Variants in KLHL1 observed in about 807,000 individuals in gnomAD.
KLHL1 encodes kelch like family member 1.
In KLHL1, 47 loss-of-function variants were observed where a neutral mutation model predicts 77.7. That is an observed-to-expected ratio of 0.60 (90% CI 0.48 to 0.77). The LOEUF is 0.77. Among genes scored for constraint, KLHL1 ranks in the 30% least tolerant of loss-of-function variants. KLHL1 has a pLI of 0.00. For missense variants in KLHL1, 925 were observed against 910.8 expected (o/e 1.02, Z -0.20); for synonymous variants, 360 against 325.2 (o/e 1.11, Z -1.15).
At chr13:69,903,777 G>A (rs1446006344) in intron 4 of KLHL1, among the ~76,000 whole-genome samples, 3 of 150,956 alleles carry the variant, frequency 2.0e-5, no homozygotes, top group Non-Finnish European at 4.4e-5. Context: ...GAGTAGCTGG[G>A]ATTACAGGTG....
chr13:70,070,547 A>C (rs183179080), intron 1 of KLHL1, among the ~76,000 whole-genome samples: 14 of 152,230 alleles, frequency 9.2e-5, no homozygotes, highest in African/African-American at 3.1e-4. Flanking sequence ...AAAAATAAAA[A>C]AATTCTTAAA....
intron 5 of KLHL1, among the ~76,000 whole-genome samples, chr13:69,853,280 TAGTG>T (rs1176167747): frequency 5.3e-5 from 8 of 151,976 alleles, no homozygotes; most frequent in African/African-American, 4.8e-5. Context: ...GTTCTCCTGA[TAGTG>T]AGTGAGTTCT....
At chr13:69,719,669 T>G (rs1872954207) in intron 8 of KLHL1, 88 bp from the exon 9 acceptor site, 3 of 956,336 alleles carry the variant, frequency 3.1e-6, no homozygotes, top group South Asian at 1.6e-5. Flanking sequence ...ATTTTCACAG[T>G]ATGAGGCTCA....
rs566927795 is a variant in KLHL1 at position 70,073,212 on chromosome 13, A to G, written c.497+33991T>C. On this transcript the variant is annotated intron_variant, in intron 1 of 10. Coordinates refer to ENST00000377844, the MANE Select transcript of KLHL1 (RefSeq NM_020866.3). Reference sequence around the variant, plus strand: ...AGAAAATGTGGCACATATACACCATAGAATACTATGCGGCCATAAAAAAGG... The same window carrying G: ...AGAAAATGTGGCACATATACACCATGGAATACTATGCGGCCATAAAAAAGG... Among the ~76,000 whole-genome samples, 162 of 152,274 alleles carry G rather than the reference A, an allele frequency of 1.1e-3. 1 individual carries two copies. Among genetic ancestry groups the G allele is most frequent in the Non-Finnish European group, 2.0e-3 (135 of 68,028 alleles).
At chr13:69,909,330 AAAT>A (rs1164388636) in intron 4 of KLHL1, among the ~76,000 whole-genome samples, 1 of 151,924 alleles carries the variant, frequency 6.6e-6, no homozygotes, top group Non-Finnish European at 1.5e-5. Context: ...ACATTCATAT[AAAT>A]AATGTTTCTA....
At chr13:69,853,714 A>G (rs1358936426) in intron 5 of KLHL1, among the ~76,000 whole-genome samples, 1 of 152,020 alleles carries the variant, frequency 6.6e-6, no homozygotes, top group Non-Finnish European at 1.5e-5. Context: ...TATTCTTACC[A>G]TGCCAGATAC....
intron 7 of KLHL1, among the ~76,000 whole-genome samples, chr13:69,780,693 T>TAC (rs1876103361): frequency 5.9e-5 from 1 of 16,916 alleles, no homozygotes; most frequent in Non-Finnish European, 1.0e-4. Context: ...TTCATATATA[T>TAC]ATATATATGT....
intron 4 of KLHL1, among the ~76,000 whole-genome samples, chr13:69,910,547 A>G (rs1882203758): frequency 6.6e-6 from 1 of 151,976 alleles, no homozygotes; most frequent in Non-Finnish European, 1.5e-5. Context: ...GGATATAAAT[A>G]TTAAACAAAG....
At chr13:70,103,385 A>G (rs1305159739) in intron 1 of KLHL1, among the ~76,000 whole-genome samples, 2 of 152,176 alleles carry the variant, frequency 1.3e-5, no homozygotes, top group African/African-American at 4.8e-5. Context: ...CGTCCATAGT[A>G]TAAACTGTAA....
chr13:69,781,305 T>TG (rs1876191514), intron 7 of KLHL1, among the ~76,000 whole-genome samples: 1 of 119,794 alleles, frequency 8.3e-6, no homozygotes, highest in South Asian at 2.7e-4. Flanking sequence ...TTTTTTTTTT[T>TG]GTCAAATATC....
chr13:69,981,003 A>G (rs982605486), intron 1 of KLHL1, among the ~76,000 whole-genome samples: 1 of 152,168 alleles, frequency 6.6e-6, no homozygotes, highest in Admixed American at 6.5e-5. Context: ...AATAGCTACC[A>G]CTAAATAAAC....
intron 9 of KLHL1, among the ~76,000 whole-genome samples, chr13:69,716,909 C>T (rs1279868668): frequency 6.6e-6 from 1 of 152,084 alleles, no homozygotes; most frequent in Non-Finnish European, 1.5e-5. Context: ...AAACTCAATG[C>T]ACATTTTGGA....
intron 7 of KLHL1, among the ~76,000 whole-genome samples, chr13:69,742,099 G>C (rs1874012695): frequency 6.6e-6 from 1 of 152,064 alleles, no homozygotes; most frequent in Non-Finnish European, 1.5e-5. Flanking sequence ...CTTCAATAAA[G>C]TATTTCTTGC....
intron 4 of KLHL1, among the ~76,000 whole-genome samples, chr13:69,935,419 A>G (rs955872029): frequency 6.6e-5 from 10 of 152,180 alleles, no homozygotes; most frequent in African/African-American, 2.2e-4. Flanking sequence ...CAGATAGACA[A>G]CAAAAACAAC....
In KLHL1 at chr13:69,796,924, G is replaced by A; in HGVS notation, c.1453C>T (p.Leu485=). The change falls in exon 7 of 11, where the codon CTG becomes TTG. Residue 485 remains leucine, a synonymous_variant. Transcript: ENST00000377844. ...TIEKYDLRTN[L]WIQAGMMNGR... is the part of the protein sequence containing the mutation. ...TTCATCATCCCTGCCTGGATCCACA[G>A]ATTTGTTCTCAGATCATATTTCTCT... 1.2e-6 allele frequency: 2 copies of A among 1,614,122 alleles called. No individual in the cohort carries two copies. Among genetic ancestry groups the A allele is most frequent in the East Asian group, 2.2e-5 (1 of 44,862 alleles).
intron 1 of KLHL1, among the ~76,000 whole-genome samples, chr13:70,079,701 T>C (rs1329248455): frequency 2.0e-5 from 3 of 152,148 alleles, no homozygotes; most frequent in Admixed American, 6.5e-5. Flanking sequence ...ATTAATTCAT[T>C]TAGTCTTTAA....
chr13:69,915,242 C>A (rs1882386937), intron 4 of KLHL1, among the ~76,000 whole-genome samples: 1 of 152,164 alleles, frequency 6.6e-6, no homozygotes, highest in South Asian at 2.1e-4. Flanking sequence ...GAAAAAACTA[C>A]TTTCAAGTTC....
At chr13:69,958,436 GTTA>G (rs1459094278) in intron 3 of KLHL1, among the ~76,000 whole-genome samples, 1 of 148,950 alleles carries the variant, frequency 6.7e-6, no homozygotes, top group African/African-American at 2.5e-5. Flanking sequence ...TTCTATAAAA[GTTA>G]TTTTTTCAAA....
At chr13:70,057,561 G>C (rs1363411019) in intron 1 of KLHL1, among the ~76,000 whole-genome samples, 1 of 148,820 alleles carries the variant, frequency 6.7e-6, no homozygotes, top group African/African-American at 2.5e-5. Context: ...TGGATCATGA[G>C]GTCAGGAGAT....
Sources: gnomAD v4.1 joint callset for allele counts (sites outside exome capture counted in the v4.1 genomes callset) on GRCh38, gnomAD v4.1.1 for gene constraint, MANE v1.5 for transcripts, NCBI Gene and HGNC (gene_info 2026-07-23, HGNC 2026-07-21) for gene names.